MARCKS: variants seen among roughly 807,000 people sequenced by gnomAD.
The protein encoded by MARCKS is myristoylated alanine rich protein kinase C substrate.
MARCKS carries 4 observed loss-of-function variants against 6.3 expected under a neutral mutation model. The ratio of observed to expected loss-of-function variants is 0.63; its 90% confidence interval spans 0.31 to 1.45. MARCKS has a LOEUF of 1.45. MARCKS is among the 40% of genes most tolerant of loss of function. The pLI is 0.07. For synonymous variants in MARCKS, 289 were observed against 236.5 expected (o/e 1.22, Z -2.04); for missense variants, 636 against 485.7 (o/e 1.31, Z -2.91).
At chr6:113,859,349 C>T (rs1299805662) in intron 1 of MARCKS, among the ~76,000 whole-genome samples, 2 of 152,242 alleles carry the variant, frequency 1.3e-5, no homozygotes, top group East Asian at 1.9e-4. Context: ...CCCCCAAGCC[C>T]CCGATAAAGC....
Position 113,859,732 on chromosome 6 carries a change from A to G in MARCKS, c.152A>G (p.Glu51Gly). The G allele has an allele frequency of 6.7e-7, 1 of 1,500,124 alleles. No individual in the cohort carries two copies. Among genetic ancestry groups the G allele is most frequent in the Non-Finnish European group, 8.9e-7 (1 of 1,125,498 alleles). 92.9% of individuals were successfully genotyped at this position (1,500,124 alleles called of 1,614,324 possible). The change falls in exon 2 of 2, where the codon GAG (glutamate) becomes GGG (glycine). Residue 51 changes from glutamate to glycine, a missense_variant. Physicochemically the swap from Glu to Gly is moderately conservative, Grantham distance 98. Coordinates refer to ENST00000612661, the MANE Select transcript of MARCKS (RefSeq NM_002356.7). ...GGCGACGCTTCGCCCGCGGCCGCCG[A>G]GTCGGGCGCCAAGGAGGAGCTGCAG... ...VNGDASPAAA[E>G]SGAKEELQAN...
chr6:113,858,670 G>C (rs1333166848), intron 1 of MARCKS, among the ~76,000 whole-genome samples: 5 of 152,352 alleles, frequency 3.3e-5, no homozygotes, highest in African/African-American at 1.2e-4. Context: ...GGGTGGACCC[G>C]AGAGGTCGGC....
Position 113,860,242 on chromosome 6 carries a change from A to AGGCGGCAGCGGGCGAGGAGGGGGC in MARCKS, c.668_691dup (p.Ala223_Ala230dup). 1 of 1,077,144 alleles carries AGGCGGCAGCGGGCGAGGAGGGGGC rather than the reference A, an allele frequency of 9.3e-7. No individual in the cohort carries two copies. Among genetic ancestry groups the AGGCGGCAGCGGGCGAGGAGGGGGC allele is most frequent in the Non-Finnish European group, 1.1e-6 (1 of 884,826 alleles). The allele number at this position is 1,077,144 out of a possible 1,614,324, so 66.7% of individuals were successfully genotyped here. A position where few individuals can be genotyped will look rare whatever the true frequency, so the allele number is the denominator to read the frequency against. ...GAGCAGGCAGCGGCGCCGGGCGAGGAGGCGGCAGCGGGCGAGGAGGGGGCG... is the reference window on the plus strand; with the variant it reads ...GAGCAGGCAGCGGCGCCGGGCGAGGAGGCGGCAGCGGGCGAGGAGGGGGCGGCGGCAGCGGGCGAGGAGGGGGCG... On this transcript the variant is annotated inframe_insertion, in exon 2 of 2. Coordinates refer to ENST00000612661, the MANE Select transcript of MARCKS (RefSeq NM_002356.7).
chr6:113,860,048 G>A lies in MARCKS; in HGVS notation c.468G>A (p.Lys156=), dbSNP rs745912162. ...PSNETPKKKK[K]RFSFKKSFKL... ...ACGAGACCCCGAAAAAAAAAAAGAA[G>A]CGCTTTTCCTTCAAGAAGTCTTTCA... The change falls in exon 2 of 2, where the codon AAG becomes AAA. Residue 156 remains lysine (K), a synonymous_variant. Coordinates refer to ENST00000612661, the MANE Select transcript of MARCKS (RefSeq NM_002356.7). The A allele has an allele frequency of 9.5e-6, 15 of 1,572,052 alleles. No homozygotes were observed. Among genetic ancestry groups the A allele is most frequent in the Non-Finnish European group, 1.2e-5 (14 of 1,162,098 alleles).
rs1467660999 is a variant in MARCKS, at chr6:113,862,044, A to G, written c.*1465A>G. On this transcript the variant is annotated 3_prime_UTR_variant, in exon 2 of 2. Transcript: ENST00000612661. Reference sequence around the variant, plus strand: ...TAGTTTTCATTTAAGAATTGAACATAATTATTTTTATTGTAGCTATATAGC... The same window carrying G: ...TAGTTTTCATTTAAGAATTGAACATGATTATTTTTATTGTAGCTATATAGC... 2.0e-5 allele frequency: 3 copies of G among 152,142 alleles called. No homozygotes were observed. Among genetic ancestry groups the G allele is most frequent in the Non-Finnish European group, 2.9e-5 (2 of 67,970 alleles). The allele number at this position is 152,142 out of a possible 1,614,324, so 9.4% of individuals were successfully genotyped here. A position where few individuals can be genotyped will look rare whatever the true frequency, so the allele number is the denominator to read the frequency against.
In MARCKS at chr6:113,860,603, TC is replaced by T; in HGVS notation, c.*25del. 6.6e-7 allele frequency: 1 copy of T among 1,505,162 alleles called. No homozygotes were observed. The highest frequency in any genetic ancestry group is 8.9e-7 in the Non-Finnish European group (1 of 1,129,858). The allele number at this position is 1,505,162 out of a possible 1,614,324, so 93.2% of individuals were successfully genotyped here. A position where few individuals can be genotyped will look rare whatever the true frequency, so the allele number is the denominator to read the frequency against. On this transcript the variant is annotated 3_prime_UTR_variant, in exon 2 of 2. Transcript: ENST00000612661. ...AAAAGAGCAAGCTTTTGTGAGATAA[TC>T]GAAGAACTTTTCTCCCCCGTTTGTT...
At position 113,861,272 on chromosome 6, in the gene MARCKS, CCAGT is replaced by C. The variant is rs1385066359; in HGVS notation, c.*698_*701del. 1 of 151,534 alleles carries C rather than the reference CCAGT, an allele frequency of 6.6e-6. No homozygotes were observed. The highest frequency in any genetic ancestry group is 1.5e-5 in the Non-Finnish European group (1 of 67,858). 9.4% of individuals were successfully genotyped at this position (151,534 alleles called of 1,614,324 possible). On this transcript the variant is annotated 3_prime_UTR_variant, in exon 2 of 2. Coordinates refer to ENST00000612661, the MANE Select transcript of MARCKS (RefSeq NM_002356.7). Reference sequence around the variant, plus strand: ...TTTCACTTATCTCATGTTAGCTGTACCAGTCAGTGATTAAGTAGAACTACAAGTT... The same window carrying C: ...TTTCACTTATCTCATGTTAGCTGTACCAGTGATTAAGTAGAACTACAAGTT...
chr6:113,862,069 C>T lies in MARCKS; in HGVS notation c.*1490C>T, dbSNP rs897778090. On this transcript the variant is annotated 3_prime_UTR_variant, in exon 2 of 2. Coordinates refer to ENST00000612661, the MANE Select transcript of MARCKS (RefSeq NM_002356.7). ...AATTATTTTTATTGTAGCTATATAG[C>T]ATGTCAGATTAAATCATTTACAACA... is the stretch of plus-strand genomic sequence containing the variant. 6.6e-6 allele frequency: 1 copy of T among 152,064 alleles called. No individual in the cohort carries two copies. Among genetic ancestry groups the T allele is most frequent in the African/African-American group, 2.4e-5 (1 of 41,428 alleles). 9.4% of individuals were successfully genotyped at this position (152,064 alleles called of 1,614,324 possible).
rs1774927443 is a variant in MARCKS at position 113,863,040 on chromosome 6, T to G, written c.*2461T>G. On this transcript the variant is annotated 3_prime_UTR_variant, in exon 2 of 2. Coordinates refer to ENST00000612661, the MANE Select transcript of MARCKS (RefSeq NM_002356.7). ...GGATTTTTAAAAATAACTCCCAAAGTGAATAGTCAAAAATCCTGTTAGCAA... is the reference window on the plus strand; with the variant it reads ...GGATTTTTAAAAATAACTCCCAAAGGGAATAGTCAAAAATCCTGTTAGCAA... The G allele has an allele frequency of 6.6e-6, 1 of 152,178 alleles. No individual in the cohort carries two copies. The highest frequency in any genetic ancestry group is 1.5e-5 in the Non-Finnish European group (1 of 68,006). 9.4% of individuals were successfully genotyped at this position (152,178 alleles called of 1,614,324 possible). A position where few individuals can be genotyped will look rare whatever the true frequency, so the allele number is the denominator to read the frequency against.
intron 1 of MARCKS, among the ~76,000 whole-genome samples, chr6:113,858,224 T>C (rs1201936209): frequency 2.0e-5 from 3 of 151,804 alleles, no homozygotes; most frequent in Admixed American, 1.3e-4. Flanking sequence ...CGAAGCTGGA[T>C]TGTCTTCGAG....
In MARCKS at chr6:113,860,129, G is replaced by A; in HGVS notation, c.549G>A (p.Glu183=). The change falls in exon 2 of 2, where the codon GAG becomes GAA. Residue 183 remains glutamate (E), a synonymous_variant. Transcript: ENST00000612661. ...AGAAGGAGGCTGGAGAAGGCGGTGAGGCTGAGGCGCCCGCTGCCGAAGGCG... is the reference window on the plus strand; with the variant it reads ...AGAAGGAGGCTGGAGAAGGCGGTGAAGCTGAGGCGCCCGCTGCCGAAGGCG... ...KNKKEAGEGG[E]AEAPAAEGGK... is the part of the protein sequence containing the mutation. 6.6e-7 allele frequency: 1 copy of A among 1,509,938 alleles called. No individual in the cohort carries two copies. The highest frequency in any genetic ancestry group is 1.2e-5 in the South Asian group (1 of 82,666). 93.5% of individuals were successfully genotyped at this position (1,509,938 alleles called of 1,614,324 possible).
chr6:113,860,769 C>G lies in MARCKS; in HGVS notation c.*190C>G. The G allele has an allele frequency of 2.8e-6, 1 of 360,028 alleles. No individual in the cohort carries two copies. The allele number at this position is 360,028 out of a possible 1,614,324, so 22.3% of individuals were successfully genotyped here. On this transcript the variant is annotated 3_prime_UTR_variant, in exon 2 of 2. Coordinates refer to ENST00000612661, the MANE Select transcript of MARCKS (RefSeq NM_002356.7). ...TTTTTTTCTCCCCTCCCCACAGATC[C>G]CATCTCAAATCATTCTGTTAACCAC...
chr6:113,860,485 C>A lies in MARCKS; in HGVS notation c.905C>A (p.Ala302Glu), dbSNP rs768430961. 2.8e-5 allele frequency: 41 copies of A among 1,489,134 alleles called. No individual in the cohort carries two copies. The highest frequency in any genetic ancestry group is 3.9e-5 in the South Asian group (3 of 77,922). The allele number at this position is 1,489,134 out of a possible 1,614,324, so 92.2% of individuals were successfully genotyped here. The change falls in exon 2 of 2, where the codon GCG becomes GAG. Residue 302 changes from alanine to glutamate, a missense_variant. Physicochemically the swap from Ala to Glu is moderately radical, Grantham distance 107. Transcript: ENST00000612661. ...EQEAAPAEEP[A>E]AAAASSACAA... is the part of the protein sequence containing the mutation. ...GAGGCAGCCCCCGCGGAGGAGCCCGCGGCCGCCGCAGCCTCGTCAGCCTGC... is the reference window on the plus strand; with the variant it reads ...GAGGCAGCCCCCGCGGAGGAGCCCGAGGCCGCCGCAGCCTCGTCAGCCTGC...
chr6:113,857,915 A>C lies in MARCKS; in HGVS notation c.102+68A>C. 4 of 1,299,614 alleles carry C rather than the reference A, an allele frequency of 3.1e-6. No individual in the cohort carries two copies. The South Asian group carries it at 5.1e-5, about 17-fold the overall frequency. The allele number at this position is 1,299,614 out of a possible 1,614,324, so 80.5% of individuals were successfully genotyped here. ...CTCTCCTTCCCTCCTGGTGGCTCCC[A>C]AGGCTCATTCGTGGAGAGGAGTGTG... On this transcript the variant is annotated intron_variant, in intron 1 of 1. Coordinates refer to ENST00000612661, the MANE Select transcript of MARCKS (RefSeq NM_002356.7).
chr6:113,859,341 C>T (rs900060339), intron 1 of MARCKS, among the ~76,000 whole-genome samples: 1 of 152,210 alleles, frequency 6.6e-6, no homozygotes, highest in Non-Finnish European at 1.5e-5. Context: ...CCTTTTTTCC[C>T]CCAAGCCCCC....
In MARCKS at chr6:113,862,234, G is replaced by A. The variant is rs1774910895; in HGVS notation, c.*1655G>A. 1.3e-5 allele frequency: 2 copies of A among 152,084 alleles called. No homozygotes were observed. The highest frequency in any genetic ancestry group is 4.8e-5 in the African/African-American group (2 of 41,444). 9.4% of individuals were successfully genotyped at this position (152,084 alleles called of 1,614,324 possible). ...CCATACTGCAGATGGGTCATGAAAT[G>A]TGACCAAATGTGTTTCAAAAATTGA... On this transcript the variant is annotated 3_prime_UTR_variant, in exon 2 of 2. Coordinates refer to ENST00000612661, the MANE Select transcript of MARCKS (RefSeq NM_002356.7).
rs902241839 is a variant in MARCKS, at chr6:113,862,802, A to T, written c.*2223A>T. 2.6e-5 allele frequency: 4 copies of T among 152,128 alleles called. No homozygotes were observed. Among genetic ancestry groups the T allele is most frequent in the Non-Finnish European group, 4.4e-5 (3 of 67,978 alleles). The allele number at this position is 152,128 out of a possible 1,614,324, so 9.4% of individuals were successfully genotyped here. On this transcript the variant is annotated 3_prime_UTR_variant, in exon 2 of 2. Transcript: ENST00000612661. Reference sequence around the variant, plus strand: ...AAATAGTGGTTCATGACCTTACCAAACACCCTTGCTACTAATAAAATCAAA... The same window carrying T: ...AAATAGTGGTTCATGACCTTACCAATCACCCTTGCTACTAATAAAATCAAA...
rs1486582485 is a variant in MARCKS at position 113,861,479 on chromosome 6, C to G, written c.*900C>G. The G allele has an allele frequency of 6.6e-6, 1 of 152,564 alleles. No homozygotes were observed. The highest frequency in any genetic ancestry group is 1.9e-4 in the East Asian group (1 of 5,200). The allele number at this position is 152,564 out of a possible 1,614,324, so 9.5% of individuals were successfully genotyped here. The stretch of plus-strand genomic sequence containing the variant: ...TTGTAAAACTGCAGTCATCTTGGAC[C>G]TTTTAAAACACAAATTTTAAACTCA... On this transcript the variant is annotated 3_prime_UTR_variant, in exon 2 of 2. Coordinates refer to ENST00000612661, the MANE Select transcript of MARCKS (RefSeq NM_002356.7).
Position 113,859,706 on chromosome 6 carries a change from C to T in MARCKS, c.126C>T (p.Asn42=). ...AGGAGAATGGCCACGTGAAGGTAAA[C>T]GGCGACGCTTCGCCCGCGGCCGCCG... is the stretch of plus-strand genomic sequence containing the variant. ...NGQENGHVKV[N]GDASPAAAES... Residue 42 remains asparagine, a synonymous_variant, in exon 2 of 2, where the codon AAC becomes AAT. Coordinates refer to ENST00000612661, the MANE Select transcript of MARCKS (RefSeq NM_002356.7). The T allele has an allele frequency of 8.6e-6, 13 of 1,504,618 alleles. No individual in the cohort carries two copies. The highest frequency in any genetic ancestry group is 1.2e-5 in the Non-Finnish European group (13 of 1,127,442). 93.2% of individuals were successfully genotyped at this position (1,504,618 alleles called of 1,614,324 possible). A position where few individuals can be genotyped will look rare whatever the true frequency, so the allele number is the denominator to read the frequency against.
Sources: gnomAD v4.1 joint callset for allele counts (sites outside exome capture counted in the v4.1 genomes callset) on GRCh38, gnomAD v4.1.1 for gene constraint, MANE v1.5 for transcripts, NCBI Gene and HGNC (gene_info 2026-07-23, HGNC 2026-07-21) for gene names.